NUP88: variants seen among roughly 807,000 people sequenced by gnomAD.
NUP88 encodes the protein nuclear pore complex protein Nup88.
Under a neutral mutation model 93.9 loss-of-function variants are expected in NUP88, and 57 were observed. The ratio of observed to expected loss-of-function variants is 0.61; its 90% CI spans 0.49 to 0.76. The LOEUF is 0.76. Ranked by LOEUF, NUP88 falls within the 30% of genes least tolerant of loss-of-function variation. The pLI is 0.00. For missense variants in NUP88, 911 were observed against 901.0 expected (o/e 1.01, Z -0.14); for synonymous variants, 346 against 336.8 (o/e 1.03, Z -0.30).
chr17:5,391,105 T>G (rs1290610001), intron 10 of NUP88, among the ~76,000 whole-genome samples: 4 of 152,166 alleles, frequency 2.6e-5, no homozygotes, highest in African/African-American at 4.8e-5. Context: ...CTCTATTTGT[T>G]ACCTGTGACT....
rs370948825 is a variant in NUP88, at chr17:5,404,174, G to A, written c.1117C>T (p.Leu373Phe). 2 of 1,614,050 alleles carry A rather than the reference G, an allele frequency of 1.2e-6. No individual in the cohort carries two copies. The highest frequency in any genetic ancestry group is 3.3e-4 in the Middle Eastern group (2 of 6,062). The change falls in exon 7 of 17, where the codon CTT (leucine) becomes TTT (phenylalanine). Residue 373 changes from leucine to phenylalanine, a missense_variant. By Grantham distance (22) the Leu-to-Phe change is conservative. Coordinates refer to ENST00000573584, the MANE Select transcript of NUP88 (RefSeq NM_002532.6). ...LYVFECVELE[L>F]ALKLASGEDD... is the part of the protein sequence containing the mutation. ...TCTCCAGATGCCAGTTTCAAAGCAAGCTCCAACTCAACACATTCAAACACA... is the reference window on the plus strand; with the variant it reads ...TCTCCAGATGCCAGTTTCAAAGCAAACTCCAACTCAACACATTCAAACACA...
intron 3 of NUP88, among the ~76,000 whole-genome samples, chr17:5,413,416 G>A (rs1002386340): frequency 3.9e-5 from 6 of 152,192 alleles, no homozygotes; most frequent in African/African-American, 7.2e-5. Context: ...CAGTGATTAC[G>A]AAAAATAAAA....
chr17:5,416,157 A>AGTATATATAT (rs1376858837), intron 2 of NUP88, among the ~76,000 whole-genome samples: 346 of 125,106 alleles, frequency 2.8e-3, no homozygotes, highest in Middle Eastern at 8.1e-3. Context: ...AAAAAAAAAA[A>AGTATATATAT]AAAAAAAAAG....
rs1280725239 is a variant in NUP88, at chr17:5,385,189, A to G, written c.*1017T>C. The G allele has an allele frequency of 4.3e-6, 1 of 229,922 alleles. No individual in the cohort carries two copies. Among genetic ancestry groups the G allele is most frequent in the Admixed American group, 5.7e-5 (1 of 17,658 alleles). 14.2% of individuals were successfully genotyped at this position (229,922 alleles called of 1,614,324 possible). ...TGAGACTCTTAAGTTTTGTTTAGCA[A>G]TGTGTTTCTGGTATGAAACAAACTA... On this transcript the variant is annotated 3_prime_UTR_variant, in exon 17 of 17. Coordinates refer to ENST00000573584, the MANE Select transcript of NUP88 (RefSeq NM_002532.6).
Position 5,390,947 on chromosome 17 carries a change from C to T in NUP88, c.1484+614G>A, listed in dbSNP as rs190887165. 5.4e-4 allele frequency among the ~76,000 whole-genome samples: 82 copies of T among 152,242 alleles called. 1 individual carries two copies. Among genetic ancestry groups the T allele is most frequent in the African/African-American group, 1.9e-3 (81 of 41,548 alleles). On this transcript the variant is annotated intron_variant, in intron 10 of 16. Coordinates refer to ENST00000573584, the MANE Select transcript of NUP88 (RefSeq NM_002532.6). ...TGGGCCTCCCAAAGCATTGGGATTA[C>T]AGGCATGAACCACCACTGCACCCAG... is the stretch of plus-strand genomic sequence containing the variant.
intron 4 of NUP88, 64 bp from the exon 5 acceptor site, chr17:5,408,973 A>G (rs920068720): frequency 5.7e-6 from 8 of 1,397,920 alleles, no homozygotes; most frequent in Non-Finnish European, 7.7e-6. Flanking sequence ...AAAGAAAAAC[A>G]AAACAAAACA....
intron 15 of NUP88, 26 bp downstream of exon 15, chr17:5,386,958 T>C (rs1912032036): frequency 6.2e-7 from 1 of 1,604,942 alleles, no homozygotes; most frequent in African/African-American, 1.3e-5. Flanking sequence ...AATTACCAAA[T>C]TTAGCTAGTT....
In NUP88 at chr17:5,388,857, C is replaced by G. The variant is rs369509606; in HGVS notation, c.1588G>C (p.Glu530Gln). ...TGCAAAATGCTTCTAATATGCTTTT[C>G]AAAGGAATCTGGGGTTTCAGCCAGA... ...RVLAETPDSFEKHIRSILQRS... is the reference protein window; with the variant it reads ...RVLAETPDSFQKHIRSILQRS... The change falls in exon 11 of 17, where the codon GAA becomes CAA. Residue 530 changes from glutamate to glutamine, a missense_variant. Coordinates refer to ENST00000573584, the MANE Select transcript of NUP88 (RefSeq NM_002532.6). 1 of 1,613,922 alleles carries G rather than the reference C, an allele frequency of 6.2e-7. No homozygotes were observed. Among genetic ancestry groups the G allele is most frequent in the Non-Finnish European group, 8.5e-7 (1 of 1,179,984 alleles).
chr17:5,408,394 A>T (rs1302668342), intron 5 of NUP88, among the ~76,000 whole-genome samples: 1 of 152,184 alleles, frequency 6.6e-6, no homozygotes, highest in East Asian at 1.9e-4. Flanking sequence ...TTCTCCCCAC[A>T]ACTGGGACAT....
At position 5,410,747 on chromosome 17, in the gene NUP88, T is replaced by C; in HGVS notation, c.636A>G (p.Ile212Met). 6.2e-7 allele frequency: 1 copy of C among 1,613,068 alleles called. No individual in the cohort carries two copies. Among genetic ancestry groups the C allele is most frequent in the Non-Finnish European group, 8.5e-7 (1 of 1,179,218 alleles). Residue 212 changes from isoleucine to methionine, a missense_variant, in exon 4 of 17, where the codon ATA (isoleucine) becomes ATG (methionine). Transcript: ENST00000573584. ...TTTCCTCTTCGGCTTCTGAAAGTATTATCACGTTAGTGGGTGTCTGCGGCT... is the reference window on the plus strand; with the variant it reads ...TTTCCTCTTCGGCTTCTGAAAGTATCATCACGTTAGTGGGTGTCTGCGGCT... The part of the protein sequence containing the change: ...LREPQTPTNV[I>M]ILSEAEEESL...
Position 5,405,051 on chromosome 17 carries a change from A to G in NUP88, c.1044+6T>C. 1 of 1,613,132 alleles carries G rather than the reference A, an allele frequency of 6.2e-7. No individual in the cohort carries two copies. Among genetic ancestry groups the G allele is most frequent in the Non-Finnish European group, 8.5e-7 (1 of 1,179,434 alleles). On this transcript the variant is annotated splice_donor_region_variant and intron_variant, in intron 6 of 16. Coordinates refer to ENST00000573584, the MANE Select transcript of NUP88 (RefSeq NM_002532.6). ...GATACAAACAACCACAGCAGCCTGC[A>G]CTTACCGTGTGGTCATCTTCTTCTT... is the stretch of plus-strand genomic sequence containing the variant.
intron 8 of NUP88, among the ~76,000 whole-genome samples, chr17:5,398,122 A>C (rs1912897880): frequency 7.4e-6 from 1 of 135,846 alleles, no homozygotes; most frequent in Admixed American, 7.4e-5. Context: ...CATTTTGACC[A>C]GGTTGGTCTT....
In NUP88 at chr17:5,386,222, T is replaced by C. The variant is rs755867670; in HGVS notation, c.2210A>G (p.Asn737Ser). The change falls in exon 17 of 17, where the codon AAT (asparagine) becomes AGT (serine). Residue 737 changes from asparagine (N) to serine (S), a missense_variant. Asn to Ser is a conservative substitution (Grantham distance 46, BLOSUM62 1). Transcript: ENST00000573584. Reference protein sequence around the residue: ...EMVKQINDIRNHVNF With the variant: ...EMVKQINDIRSHVNF ...CTGGTGGTGTCAGAAGTTTACATGA[T>C]TGCGGATATCATTGATTTGCTTCAC... The C allele has an allele frequency of 5.0e-6, 8 of 1,613,388 alleles. No homozygotes were observed. The highest frequency in any genetic ancestry group is 6.8e-6 in the Non-Finnish European group (8 of 1,179,744).
chr17:5,393,988 A>G (rs1303139739), intron 9 of NUP88, among the ~76,000 whole-genome samples: 1 of 152,142 alleles, frequency 6.6e-6, no homozygotes, highest in Admixed American at 6.5e-5. Flanking sequence ...GTGATATGGC[A>G]CCCTTCAGAA....
chr17:5,412,341 A>G (rs80108839), intron 3 of NUP88, among the ~76,000 whole-genome samples: 238 of 152,320 alleles, frequency 1.6e-3, no homozygotes, highest in African/African-American at 5.4e-3. Context: ...GCTCTAGGAA[A>G]CAGCCAGATG....
At chr17:5,395,311 T>C (rs1912703290) in intron 8 of NUP88, among the ~76,000 whole-genome samples, 1 of 129,968 alleles carries the variant, frequency 7.7e-6, no homozygotes, top group African/African-American at 3.0e-5. Flanking sequence ...ATCAGAAGTG[T>C]TTTGGATTTC....
chr17:5,398,268 C>T (rs1912910261), intron 8 of NUP88, among the ~76,000 whole-genome samples: 1 of 150,470 alleles, frequency 6.6e-6, no homozygotes, highest in African/African-American at 2.4e-5. Flanking sequence ...GTTTTGATTA[C>T]TAATCAATCT....
At position 5,410,782 on chromosome 17, in the gene NUP88, A is replaced by G. The variant is rs762701413; in HGVS notation, c.601T>C (p.Ser201Pro). 1 of 1,598,800 alleles carries G rather than the reference A, an allele frequency of 6.3e-7. No individual in the cohort carries two copies. Among genetic ancestry groups the G allele is most frequent in the Non-Finnish European group, 8.5e-7 (1 of 1,172,840 alleles). ...LTSDNVIRIY[S>P]LREPQTPTNV... ...GTGGGTGTCTGCGGCTCACGTAGTG[A>G]GTAAATTCTAGCAACCAAAAGAGAA... The change falls in exon 4 of 17, where the codon TCA (serine) becomes CCA (proline). Residue 201 changes from serine to proline, a missense_variant. Ser to Pro is a moderately conservative substitution (Grantham distance 74). Coordinates refer to ENST00000573584, the MANE Select transcript of NUP88 (RefSeq NM_002532.6).
chr17:5,408,864 G>A lies in NUP88; in HGVS notation c.726C>T (p.Asp242=). 1 of 1,613,778 alleles carries A rather than the reference G, an allele frequency of 6.2e-7. No individual in the cohort carries two copies. Among genetic ancestry groups the A allele is most frequent in the Non-Finnish European group, 8.5e-7 (1 of 1,179,904 alleles). Reference sequence around the variant, plus strand: ...TTGGGACTGCTGCCAATGGCCCAAAGTCAAATGCAACTGCTGTCTCTCCTA... The same window carrying A: ...TTGGGACTGCTGCCAATGGCCCAAAATCAAATGCAACTGCTGTCTCTCCTA... ...ASLGETAVAF[D]FGPLAAVPKT... is the part of the protein sequence containing the mutation. The change falls in exon 5 of 17, where the codon GAC becomes GAT. Residue 242 remains aspartate, a synonymous_variant. Coordinates refer to ENST00000573584, the MANE Select transcript of NUP88 (RefSeq NM_002532.6).
Sources: gnomAD v4.1 joint callset for allele counts (sites outside exome capture counted in the v4.1 genomes callset) on GRCh38, gnomAD v4.1.1 for gene constraint, MANE v1.5 for transcripts, NCBI Gene and HGNC (gene_info 2026-07-23, HGNC 2026-07-21) for gene names.